ANKRD13A: variants seen among roughly 807,000 people sequenced by gnomAD.
The protein encoded by ANKRD13A is ankyrin repeat domain-containing protein 13A.
ANKRD13A carries 48 observed loss-of-function variants against 81.3 expected under a neutral mutation model. The observed-to-expected ratio is 0.59, with a 90% CI of 0.47 to 0.75. ANKRD13A has a LOEUF of 0.75. ANKRD13A is among the 30% of genes least tolerant of loss of function. The probability of loss-of-function intolerance (pLI) is 0.00; values close to 1 mark genes in which losing one functional copy is unlikely to be tolerated. For missense variants in ANKRD13A, 612 were observed against 734.0 expected, an observed-to-expected ratio of 0.83 and a Z score of 1.92; for synonymous variants, 230 against 270.1, an observed-to-expected ratio of 0.85 and a Z score of 1.45.
chr12:110,038,796 C>T lies in ANKRD13A; in HGVS notation c.*1242C>T, dbSNP rs1252138073. 1.3e-5 allele frequency: 2 copies of T among 152,118 alleles called. No homozygotes were observed. The highest frequency in any genetic ancestry group is 2.9e-5 in the Non-Finnish European group (2 of 68,032). 9.4% of individuals were successfully genotyped at this position (152,118 alleles called of 1,614,324 possible). On this transcript the variant is annotated 3_prime_UTR_variant, in exon 15 of 15. Coordinates refer to ENST00000261739, the MANE Select transcript of ANKRD13A (RefSeq NM_033121.2). The stretch of plus-strand genomic sequence containing the variant: ...TTTGTCAAACCCTCTTGTATATAAC[C>T]ATCGCACAACATACAGAACCCTGGG...
chr12:110,016,549 T>G lies in ANKRD13A; in HGVS notation c.400+116T>G, dbSNP rs527891439. ...ATTTTTTTTTAGTCAAGGAAATACA[T>G]AGTGAAGAATAAGGAAAAATAATCA... On this transcript the variant is annotated intron_variant, in intron 4 of 14. Transcript: ENST00000261739. 2.1e-5 allele frequency: 20 copies of G among 948,946 alleles called. No homozygotes were observed. The South Asian group carries it at 3.9e-4, about 19-fold the overall frequency. The allele number at this position is 948,946 out of a possible 1,614,324, so 58.8% of individuals were successfully genotyped here.
rs1410347702 is a variant in ANKRD13A, at chr12:110,033,953, G to T, written c.1505G>T (p.Ser502Ile). Residue 502 changes from serine (S) to isoleucine (I), a missense_variant, in exon 13 of 15, where the codon AGC becomes ATC. Coordinates refer to ENST00000261739, the MANE Select transcript of ANKRD13A (RefSeq NM_033121.2). ...CAAAGTCTGCTGGAGTCCAGCAGGA[G>T]CCAGGTGTGTTTATCAGAATACTCT... ...IQQSLLESSR[S>I]QELSGPASNG... 1 of 1,609,844 alleles carries T rather than the reference G, an allele frequency of 6.2e-7. No homozygotes were observed. The highest frequency in any genetic ancestry group is 8.5e-7 in the Non-Finnish European group (1 of 1,178,016).
intron 13 of ANKRD13A, among the ~76,000 whole-genome samples, chr12:110,035,153 C>T (rs1891951335): frequency 6.6e-6 from 1 of 152,196 alleles, no homozygotes; most frequent in Admixed American, 6.5e-5. Flanking sequence ...ACATCACCAT[C>T]AGCCTGGTAT....
At chr12:110,006,627 G>T (rs11831498) in intron 1 of ANKRD13A, among the ~76,000 whole-genome samples, 5 of 150,930 alleles carry the variant, frequency 3.3e-5, no homozygotes, top group Non-Finnish European at 5.9e-5. Flanking sequence ...ATGGAGTTTC[G>T]CTCTTGTTGC....
chr12:109,999,801 G>T lies in ANKRD13A; in HGVS notation c.96+17G>T. 2.0e-6 allele frequency: 3 copies of T among 1,526,158 alleles called. 1 individual carries two copies. Among genetic ancestry groups the T allele is most frequent in the Non-Finnish European group, 2.6e-6 (3 of 1,135,294 alleles). The allele number at this position is 1,526,158 out of a possible 1,614,324, so 94.5% of individuals were successfully genotyped here. A position where few individuals can be genotyped will look rare whatever the true frequency, so the allele number is the denominator to read the frequency against. On this transcript the variant is annotated intron_variant, in intron 1 of 14. Coordinates refer to ENST00000261739, the MANE Select transcript of ANKRD13A (RefSeq NM_033121.2). The surrounding 1 kb of genome is among the most constrained non-coding windows in gnomAD (Gnocchi z 4.3). Reference sequence around the variant, plus strand: ...CAGGGCCAGGTGAGGGGCGGGGCGGGGGTCCGTCTCCCGGTGGGGACTTCG... The same window carrying T: ...CAGGGCCAGGTGAGGGGCGGGGCGGTGGTCCGTCTCCCGGTGGGGACTTCG...
At position 110,012,071 on chromosome 12, in the gene ANKRD13A, G is replaced by A; in HGVS notation, c.163G>A (p.Glu55Lys). The change falls in exon 2 of 15, where the codon GAA (glutamate) becomes AAA (lysine). Residue 55 changes from glutamate to lysine, a missense_variant. By Grantham distance (56) the Glu-to-Lys change is moderately conservative (BLOSUM62 1). Coordinates refer to ENST00000261739, the MANE Select transcript of ANKRD13A (RefSeq NM_033121.2). Reference sequence around the variant, plus strand: ...TCTTGCTGTTTCCTTGGGACATTTGGAATCTGCTCGAGTCTTACTCCGACA... The same window carrying A: ...TCTTGCTGTTTCCTTGGGACATTTGAAATCTGCTCGAGTCTTACTCCGACA... Reference protein sequence around the residue: ...LHLAVSLGHLESARVLLRHKA... With the variant: ...LHLAVSLGHLKSARVLLRHKA... 1 of 1,613,388 alleles carries A rather than the reference G, an allele frequency of 6.2e-7. No homozygotes were observed. Among genetic ancestry groups the A allele is most frequent in the Non-Finnish European group, 8.5e-7 (1 of 1,179,386 alleles).
chr12:110,029,311 T>G, intron 10 of ANKRD13A, 167 bp from the exon 11 acceptor site: 1 of 662,418 alleles, frequency 1.5e-6, no homozygotes. Flanking sequence ...TAGGGTGATG[T>G]GAATTCCTTG....
rs1337713859 is a variant in ANKRD13A, at chr12:110,038,300, T to C, written c.*746T>C. ...ATTTGAATTTGTAAAGGCAATTCTT[T>C]TGAGAGCAGGATTCTCCAGGCTAAA... On this transcript the variant is annotated 3_prime_UTR_variant, in exon 15 of 15. Transcript: ENST00000261739. The C allele has an allele frequency of 6.6e-6, 1 of 152,660 alleles. No individual in the cohort carries two copies. Among genetic ancestry groups the C allele is most frequent in the Non-Finnish European group, 1.5e-5 (1 of 68,050 alleles). The allele number at this position is 152,660 out of a possible 1,614,324, so 9.5% of individuals were successfully genotyped here.
At chr12:110,004,413 C>G (rs773224964) in intron 1 of ANKRD13A, among the ~76,000 whole-genome samples, 4 of 151,888 alleles carry the variant, frequency 2.6e-5, no homozygotes, top group Non-Finnish European at 5.9e-5. Flanking sequence ...GTCGGGAGTT[C>G]GAGACCAACC....
At chr12:110,030,131 TACTC>T (rs1002244902) in intron 11 of ANKRD13A, among the ~76,000 whole-genome samples, 3 of 152,284 alleles carry the variant, frequency 2.0e-5, no homozygotes, top group East Asian at 1.9e-4. Context: ...CTTGATCACT[TACTC>T]ACTGTGATCT....
chr12:110,032,545 A>C (rs1309550982), intron 12 of ANKRD13A: 1 of 152,174 alleles, frequency 6.6e-6, no homozygotes, highest in Non-Finnish European at 1.5e-5. Context: ...CCTTGAATAA[A>C]ACATTCGGCA....
rs745518438 is a variant in ANKRD13A at position 110,037,412 on chromosome 12, T to G, written c.1631T>G (p.Leu544Arg). 5.0e-6 allele frequency: 8 copies of G among 1,614,092 alleles called. No individual in the cohort carries two copies. Among genetic ancestry groups the G allele is most frequent in the Non-Finnish European group, 6.8e-6 (8 of 1,180,042 alleles). The change falls in exon 15 of 15, where the codon CTG becomes CGG. Residue 544 changes from leucine to arginine, a missense_variant. Coordinates refer to ENST00000261739, the MANE Select transcript of ANKRD13A (RefSeq NM_033121.2). Reference sequence around the variant, plus strand: ...ACAGAAGGCCTGTGCCCCAGCGCCCTGAGCGAGACAAGCCGTTTTGATAAT... The same window carrying G: ...ACAGAAGGCCTGTGCCCCAGCGCCCGGAGCGAGACAAGCCGTTTTGATAAT... ...TSTEGLCPSA[L>R]SETSRFDNDL... is the part of the protein sequence containing the mutation.
intron 1 of ANKRD13A, among the ~76,000 whole-genome samples, chr12:110,007,637 C>T (rs1261578056): frequency 2.6e-5 from 4 of 152,184 alleles, no homozygotes; most frequent in African/African-American, 7.2e-5. Flanking sequence ...ACCTCAGCCT[C>T]CCCAAGTGCT....
chr12:110,010,358 G>A (rs1485725942), intron 1 of ANKRD13A, among the ~76,000 whole-genome samples: 5 of 152,180 alleles, frequency 3.3e-5, no homozygotes, highest in African/African-American at 4.8e-5. Context: ...TGTAATAGAC[G>A]TGTAGGAAGA....
At position 110,019,125 on chromosome 12, in the gene ANKRD13A, G is replaced by A. The variant is rs758593632; in HGVS notation, c.545-14G>A. ...CTACTTTGCACTTAGTTATGCCTTT[G>A]TTTCCATTAATAGACAACTGGGCGG... On this transcript the variant is annotated splice_polypyrimidine_tract_variant and intron_variant, in intron 5 of 14. Transcript: ENST00000261739. The A allele has an allele frequency of 9.0e-6, 14 of 1,562,104 alleles. No homozygotes were observed. The South Asian group carries it at 1.7e-4, about 18-fold the overall frequency.
chr12:110,015,643 T>C (rs999907621), intron 3 of ANKRD13A, among the ~76,000 whole-genome samples: 38 of 151,694 alleles, frequency 2.5e-4, no homozygotes, highest in African/African-American at 9.2e-4. Flanking sequence ...GCCTCCCAGG[T>C]TCAAGCAATT....
intron 8 of ANKRD13A, 123 bp from the exon 9 acceptor site, chr12:110,027,582 C>T: frequency 1.2e-6 from 1 of 864,854 alleles, no homozygotes; most frequent in Non-Finnish European, 1.9e-6. Flanking sequence ...ATGATTTGAT[C>T]AGCCAGTCTG....
At chr12:110,000,971 G>C (rs1889937266) in intron 1 of ANKRD13A, among the ~76,000 whole-genome samples, 1 of 151,486 alleles carries the variant, frequency 6.6e-6, no homozygotes, top group South Asian at 2.1e-4. Flanking sequence ...TGGTCAGGCT[G>C]GTCTCAAACT....
rs111799646 is a variant in ANKRD13A, at chr12:110,037,329, C to A, written c.1578-30C>A. On this transcript the variant is annotated intron_variant, in intron 14 of 14. Transcript: ENST00000261739. ...GCCACCATGATGATGATAGTAGTGACTCTCCCTTTTTATCTGTTTTCCAAC... is the reference window on the plus strand; with the variant it reads ...GCCACCATGATGATGATAGTAGTGAATCTCCCTTTTTATCTGTTTTCCAAC... 3.4e-3 allele frequency: 5,473 copies of A among 1,595,212 alleles called. 134 individuals are homozygous for A. The African/African-American group carries it at 0.063, about 18-fold the overall frequency.
Sources: allele counts gnomAD v4.1 joint callset (sites outside exome capture counted in the v4.1 genomes callset), GRCh38; gene constraint gnomAD v4.1.1; non-coding constraint Gnocchi (gnomAD v3.1); transcripts MANE v1.5; gene names NCBI Gene and HGNC (gene_info 2026-07-23, HGNC 2026-07-21).